Variants in PI4K2B observed in about 807,000 individuals in gnomAD.
PI4K2B encodes phosphatidylinositol 4-kinase type 2 beta.
In PI4K2B, 46 loss-of-function variants were observed where a neutral mutation model predicts 56.6. That is an observed-to-expected ratio of 0.81 (90% CI 0.64 to 1.04). PI4K2B has a LOEUF of 1.04. PI4K2B is among the 50% of genes least tolerant of loss of function. The pLI is 0.00. For synonymous variants in PI4K2B, 211 were observed against 223.8 expected, an observed-to-expected ratio of 0.94 and a Z score of 0.51; for missense variants, 556 against 607.7, an observed-to-expected ratio of 0.91 and a Z score of 0.89.
chr4:25,277,166 GC>G lies in PI4K2B; in HGVS notation c.1427del (p.Pro476HisfsTer43). 6.2e-7 allele frequency: 1 copy of G among 1,612,640 alleles called. No individual in the cohort carries two copies. Among genetic ancestry groups the G allele is most frequent in the Non-Finnish European group, 8.5e-7 (1 of 1,178,976 alleles). ...SFTQTVNCRK[P>X]FFSSW Reference sequence around the variant, plus strand: ...TTACCCAGACTGTCAATTGCAGGAAGCCATTTTTTTCCTCCTGGTAGTAAAT... The same window carrying G: ...TTACCCAGACTGTCAATTGCAGGAAGCATTTTTTTCCTCCTGGTAGTAAAT... On this transcript the variant is annotated frameshift_variant, in exon 10 of 10. Transcript: ENST00000264864. LOFTEE classifies it high-confidence loss of function.
intron 4 of PI4K2B, among the ~76,000 whole-genome samples, chr4:25,257,972 A>G (rs1716315671): frequency 6.6e-6 from 1 of 152,152 alleles, no homozygotes; most frequent in African/African-American, 2.4e-5. Context: ...ATTTGTTTGT[A>G]TTTTTGAAGC....
intron 1 of PI4K2B, among the ~76,000 whole-genome samples, chr4:25,246,472 C>A (rs1000133512): frequency 6.6e-6 from 1 of 152,226 alleles, no homozygotes; most frequent in Non-Finnish European, 1.5e-5. Flanking sequence ...GAGCTAGATA[C>A]AGAGTGCTGA....
chr4:25,245,392 A>G (rs1024227805), intron 1 of PI4K2B, among the ~76,000 whole-genome samples: 1 of 152,182 alleles, frequency 6.6e-6, no homozygotes, highest in African/African-American at 2.4e-5. Flanking sequence ...ATAGATGGGC[A>G]AATCTCGCTT....
intron 2 of PI4K2B, among the ~76,000 whole-genome samples, chr4:25,253,381 T>C (rs971685330): frequency 2.6e-5 from 4 of 152,240 alleles, no homozygotes; most frequent in African/African-American, 9.6e-5. Flanking sequence ...TGATGCATAA[T>C]GAGCAGTTCT....
rs1315448230 is a variant in PI4K2B at position 25,268,225 on chromosome 4, TTTA to T, written c.1079-217_1079-215del. Among the ~76,000 whole-genome samples the T allele has an allele frequency of 7.9e-5, 12 of 152,354 alleles. No homozygotes were observed. In the East Asian group the frequency reaches 1.9e-3, roughly 24 times the overall value. On this transcript the variant is annotated intron_variant, in intron 7 of 9. Coordinates refer to ENST00000264864, the MANE Select transcript of PI4K2B (RefSeq NM_018323.4). Reference sequence around the variant, plus strand: ...AGATTCATTATCTAAACTCTTACTCTTTACTGTCTAAAACTCAGAGACATTACT... The same window carrying T: ...AGATTCATTATCTAAACTCTTACTCTCTGTCTAAAACTCAGAGACATTACT...
At chr4:25,242,573 C>T (rs542047201) in intron 1 of PI4K2B, among the ~76,000 whole-genome samples, 12 of 152,356 alleles carry the variant, frequency 7.9e-5, no homozygotes, top group African/African-American at 2.4e-4. Context: ...ATTACTGCCT[C>T]ATTGATGAGT....
intron 4 of PI4K2B, among the ~76,000 whole-genome samples, chr4:25,258,260 T>C (rs1041885589): frequency 5.5e-5 from 8 of 144,908 alleles, no homozygotes; most frequent in Middle Eastern, 3.5e-3. Flanking sequence ...TAGGTTGGAG[T>C]GCAGTGGTGC....
intron 7 of PI4K2B, among the ~76,000 whole-genome samples, 190 bp downstream of exon 7, chr4:25,264,039 G>A (rs1409372241): frequency 1.3e-5 from 2 of 152,158 alleles, no homozygotes; most frequent in Non-Finnish European, 2.9e-5. Context: ...TGCTTATTCT[G>A]GGATGACTGG....
intron 5 of PI4K2B, 55 bp from the exon 6 acceptor site, chr4:25,260,469 T>C: frequency 1.4e-6 from 1 of 704,630 alleles, no homozygotes; most frequent in Admixed American, 2.9e-5. Flanking sequence ...TCATTGATAT[T>C]AAGCCATGAT....
At chr4:25,265,198 C>CAAAAAAAAAAAAAAAAAAAAAA (rs71188933) in intron 7 of PI4K2B, among the ~76,000 whole-genome samples, 1 of 65,400 alleles carries the variant, frequency 1.5e-5, no homozygotes, top group East Asian at 4.8e-4. Flanking sequence ...TCTGTCTCAC[C>CAAAAAAAAAAAAAAAAAAAAAA]AAAAAAAAAA....
intron 3 of PI4K2B, among the ~76,000 whole-genome samples, chr4:25,256,328 A>G (rs1716263973): frequency 6.6e-6 from 1 of 152,196 alleles, no homozygotes; most frequent in Non-Finnish European, 1.5e-5. Flanking sequence ...TTAGGCCTCT[A>G]AAAGGCTTTT....
At chr4:25,266,000 G>A (rs553787736) in intron 7 of PI4K2B, among the ~76,000 whole-genome samples, 1 of 149,900 alleles carries the variant, frequency 6.7e-6, no homozygotes, top group South Asian at 2.1e-4. Context: ...GTGTGTAGAG[G>A]TCCAGTGGTT....
intron 1 of PI4K2B, among the ~76,000 whole-genome samples, chr4:25,241,300 G>A (rs1196685982): frequency 6.6e-6 from 1 of 152,210 alleles, no homozygotes; most frequent in Non-Finnish European, 1.5e-5. Flanking sequence ...TTCAAGTATG[G>A]TTACATCACT....
chr4:25,236,242 TAAATAAATAA>T (rs1715257955), intron 1 of PI4K2B, among the ~76,000 whole-genome samples: 1 of 149,584 alleles, frequency 6.7e-6, no homozygotes, highest in African/African-American at 2.5e-5. Context: ...AATAAATAAA[TAAATAAATAA>T]ATAAATTTTA....
chr4:25,275,107 G>A (rs920541210), intron 9 of PI4K2B, among the ~76,000 whole-genome samples: 13 of 152,086 alleles, frequency 8.5e-5, no homozygotes, highest in Admixed American at 7.2e-4. Context: ...CCTGGTCAAC[G>A]TTTCTGTTTT....
intron 7 of PI4K2B, among the ~76,000 whole-genome samples, chr4:25,264,621 C>T (rs1484896912): frequency 6.6e-6 from 1 of 152,132 alleles, no homozygotes; most frequent in African/African-American, 2.4e-5. Context: ...CCTGTAATCC[C>T]AGCACTTTGG....
intron 7 of PI4K2B, among the ~76,000 whole-genome samples, chr4:25,265,485 C>T (rs992719516): frequency 6.6e-6 from 1 of 152,098 alleles, no homozygotes; most frequent in South Asian, 2.1e-4. Context: ...CCTATAAATG[C>T]ATATTAGGCC....
intron 9 of PI4K2B, among the ~76,000 whole-genome samples, chr4:25,275,078 A>G (rs1219851571): frequency 6.6e-6 from 1 of 152,168 alleles, no homozygotes; most frequent in African/African-American, 2.4e-5. Flanking sequence ...TGCTGGGATT[A>G]CAGGCATGAG....
At position 25,252,428 on chromosome 4, in the gene PI4K2B, A is replaced by G; in HGVS notation, c.376A>G (p.Ile126Val). ...AGAAGTTGGAATTTTTCCAGAAAGA[A>G]TCTCTCAAGGTTCAAGTGGAAGTTA... ...AIEVGIFPER[I>V]SQGSSGSYFV... The change falls in exon 2 of 10, where the codon ATC becomes GTC. Residue 126 changes from isoleucine (I) to valine (V), a missense_variant. Coordinates refer to ENST00000264864, the MANE Select transcript of PI4K2B (RefSeq NM_018323.4). The G allele has an allele frequency of 6.2e-7, 1 of 1,612,426 alleles. No individual in the cohort carries two copies. Among genetic ancestry groups the G allele is most frequent in the Non-Finnish European group, 8.5e-7 (1 of 1,178,444 alleles).
Sources: allele counts gnomAD v4.1 joint callset (sites outside exome capture counted in the v4.1 genomes callset), GRCh38; gene constraint gnomAD v4.1.1; transcripts MANE v1.5; gene names NCBI Gene and HGNC (gene_info 2026-07-23, HGNC 2026-07-21).